PRKAR1B: variants seen among roughly 807,000 people sequenced by gnomAD.
The protein encoded by PRKAR1B is protein kinase cAMP-dependent type I regulatory subunit beta, also known as cAMP-dependent protein kinase type I-beta regulatory subunit.
A neutral mutation model predicts 46.5 loss-of-function variants in PRKAR1B; 22 were observed. That is an observed-to-expected ratio of 0.47 (90% CI 0.34 to 0.68). PRKAR1B has a LOEUF of 0.68. Among genes scored for constraint, PRKAR1B ranks in the 30% least tolerant of loss-of-function variants. PRKAR1B has a pLI of 0.01. For synonymous variants in PRKAR1B, 259 were observed against 217.7 expected, an observed-to-expected ratio of 1.19 and a Z score of -1.67; for missense variants, 445 against 535.6, an observed-to-expected ratio of 0.83 and a Z score of 1.67.
intron 9 of PRKAR1B, 67 bp from the exon 10 acceptor site, chr7:551,537 G>A (rs139922622): frequency 0.1 from 148,214 of 1,475,586 alleles, 8,425 homozygotes; most frequent in Non-Finnish European, 0.11. Flanking sequence ...CACGTGAGGG[G>A]TCACCCCACA....
chr7:655,089 C>A (rs1282473324), intron 4 of PRKAR1B, among the ~76,000 whole-genome samples: 2 of 152,204 alleles, frequency 1.3e-5, no homozygotes, highest in Non-Finnish European at 2.9e-5. Context: ...AACCTCTTAA[C>A]TGGGTTTTCC....
Position 673,045 on chromosome 7 carries a change from TAAAAAAAAAAAA to T in PRKAR1B, c.440+4172_440+4183del, listed in dbSNP as rs992683667. ...GGGTGAGAGAGTAAGGCCTTGTCTT[TAAAAAAAAAAAA>T]AAAAAAAAAAAAAAAAAAAAACACA... is the stretch of plus-strand genomic sequence containing the variant. On this transcript the variant is annotated intron_variant, in intron 4 of 10. Transcript: ENST00000537384. 8.4e-3 allele frequency among the ~76,000 whole-genome samples: 222 copies of T among 26,556 alleles called. 1 individual carries two copies. The highest frequency in any genetic ancestry group is 0.012 in the Non-Finnish European group (186 of 16,128). The allele number at this position is 26,556 out of a possible 152,430, so 17.4% of individuals were successfully genotyped here. A position where few individuals can be genotyped will look rare whatever the true frequency, so the allele number is the denominator to read the frequency against.
intron 9 of PRKAR1B, among the ~76,000 whole-genome samples, chr7:576,357 C>T (rs955239734): frequency 6.6e-6 from 1 of 152,226 alleles, no homozygotes; most frequent in African/African-American, 2.4e-5. Flanking sequence ...CCTTTCCCTC[C>T]TCCTTCTCTC....
Position 711,537 on chromosome 7 carries a change from A to C in PRKAR1B, c.-22-10T>G, listed in dbSNP as rs1017832689. The C allele has an allele frequency of 6.2e-7, 1 of 1,607,722 alleles. No homozygotes were observed. Among genetic ancestry groups the C allele is most frequent in the Non-Finnish European group, 8.5e-7 (1 of 1,176,382 alleles). ...GGTGGCTGCTTCCTTCCTGTCCAGA[A>C]AACACACAGATCCCCAGGCCTGAGA... On this transcript the variant is annotated splice_polypyrimidine_tract_variant and intron_variant, in intron 1 of 10. Transcript: ENST00000537384.
rs34879805 is a variant in PRKAR1B at position 556,496 on chromosome 7, C to T, written c.892-5026G>A. ...TAAAGGGGTAAAACACCGTCAATAA[C>T]GCGGAACAGTCTTCCGCACGGAGTC... On this transcript the variant is annotated intron_variant, in intron 9 of 10. Transcript: ENST00000537384. 5.8e-3 allele frequency among the ~76,000 whole-genome samples: 878 copies of T among 152,340 alleles called. 3 individuals are homozygous for T. Among genetic ancestry groups the T allele is most frequent in the Middle Eastern group, 0.017 (5 of 294 alleles).
At chr7:707,260 C>A (rs942871015) in intron 2 of PRKAR1B, among the ~76,000 whole-genome samples, 1 of 152,242 alleles carries the variant, frequency 6.6e-6, no homozygotes, top group Non-Finnish European at 1.5e-5. Flanking sequence ...TCCCTATCAG[C>A]TACTGCAGAA....
At chr7:564,226 G>C (rs1026903074) in intron 9 of PRKAR1B, among the ~76,000 whole-genome samples, 1 of 152,210 alleles carries the variant, frequency 6.6e-6, no homozygotes, top group Admixed American at 6.5e-5. Flanking sequence ...GGGAACCTGA[G>C]ACTTGGAATC....
At position 641,432 on chromosome 7, in the gene PRKAR1B, C is replaced by T. The variant is rs142650978; in HGVS notation, c.441-33980G>A. Among the ~76,000 whole-genome samples the T allele has an allele frequency of 6.4e-3, 977 of 152,234 alleles. 8 individuals are homozygous for T. Among genetic ancestry groups the T allele is most frequent in the African/African-American group, 0.022 (927 of 41,526 alleles). On this transcript the variant is annotated intron_variant, in intron 4 of 10. Coordinates refer to ENST00000537384, the MANE Select transcript of PRKAR1B (RefSeq NM_001164760.2). ...GATGCCGCATTGTTCATAATAGCTC[C>T]GAACAGCAAACAACCCAGATGACGC...
Position 667,952 on chromosome 7 carries a change from T to C in PRKAR1B, c.440+9277A>G, listed in dbSNP as rs560997115. Among the ~76,000 whole-genome samples the C allele has an allele frequency of 4.6e-5, 7 of 152,228 alleles. No homozygotes were observed. Among genetic ancestry groups the C allele is most frequent in the Non-Finnish European group, 1.0e-4 (7 of 68,048 alleles). ...CTATCTTCCTTTAAATCAAAGGTCT[T>C]AAACATAATTTCTACCCTTCTCCAA... On this transcript the variant is annotated intron_variant, in intron 4 of 10. Coordinates refer to ENST00000537384, the MANE Select transcript of PRKAR1B (RefSeq NM_001164760.2). The surrounding 1 kb of genome is among the most constrained non-coding windows in gnomAD (Gnocchi z 4.3).
rs946001275 is a variant in PRKAR1B at position 666,435 on chromosome 7, T to A, written c.440+10794A>T. ...GGCACCCCAGGTAGGATGCGGAATC[T>A]GCTTCGCTCCAATAGCTGACACAAG... On this transcript the variant is annotated intron_variant, in intron 4 of 10. Coordinates refer to ENST00000537384, the MANE Select transcript of PRKAR1B (RefSeq NM_001164760.2). The surrounding 1 kb of genome is among the most constrained non-coding windows in gnomAD (Gnocchi z 4.9). Among the ~76,000 whole-genome samples the A allele has an allele frequency of 3.5e-4, 53 of 152,280 alleles. No homozygotes were observed. The highest frequency in any genetic ancestry group is 1.6e-4 in the Non-Finnish European group (11 of 68,014).
At chr7:626,495 T>G (rs1783410618) in intron 4 of PRKAR1B, among the ~76,000 whole-genome samples, 1 of 152,006 alleles carries the variant, frequency 6.6e-6, no homozygotes, top group South Asian at 2.1e-4. Context: ...ACCTTGTCTC[T>G]CAGAAACAAA....
At chr7:660,583 G>T (rs1275867706) in intron 4 of PRKAR1B, among the ~76,000 whole-genome samples, 1 of 97,324 alleles carries the variant, frequency 1.0e-5, no homozygotes, top group Non-Finnish European at 1.9e-5. Context: ...CATGGCACAG[G>T]TCCCCACCCC....
chr7:550,778 A>G (rs1784133521), intron 10 of PRKAR1B, among the ~76,000 whole-genome samples, 176 bp from the exon 11 acceptor site: 1 of 152,248 alleles, frequency 6.6e-6, no homozygotes, highest in Admixed American at 6.5e-5. Context: ...TTTGGGATAT[A>G]CTTATGCTAA....
chr7:667,921 G>T lies in PRKAR1B; in HGVS notation c.440+9308C>A, dbSNP rs1056769533. Among the ~76,000 whole-genome samples the T allele has an allele frequency of 6.6e-6, 1 of 152,212 alleles. No homozygotes were observed. Among genetic ancestry groups the T allele is most frequent in the African/African-American group, 2.4e-5 (1 of 41,448 alleles). ...GAGTTGCAGCCTCCCTCACAACCAC[G>T]TTGCACTATCTTCCTTTAAATCAAA... On this transcript the variant is annotated intron_variant, in intron 4 of 10. Transcript: ENST00000537384. The surrounding 1 kb of genome is among the most constrained non-coding windows in gnomAD (Gnocchi z 4.3).
intron 2 of PRKAR1B, among the ~76,000 whole-genome samples, chr7:710,956 A>C (rs544685436): frequency 1.5e-4 from 23 of 152,210 alleles, no homozygotes; most frequent in African/African-American, 5.1e-4. Flanking sequence ...TTTTATCCCA[A>C]GTGGTGACAG....
intron 8 of PRKAR1B, among the ~76,000 whole-genome samples, chr7:581,314 A>AG (rs1239769890): frequency 6.6e-6 from 1 of 151,648 alleles, no homozygotes; most frequent in African/African-American, 2.4e-5. Flanking sequence ...AAAAAAAAAA[A>AG]AAAAAAAAAA....
At chr7:663,421 G>A (rs1374724580) in intron 4 of PRKAR1B, among the ~76,000 whole-genome samples, 1 of 152,106 alleles carries the variant, frequency 6.6e-6, no homozygotes, top group Non-Finnish European at 1.5e-5. Flanking sequence ...GAGGAGGGTA[G>A]AGATGGGGTC....
chr7:671,916 C>G (rs1249366154), intron 4 of PRKAR1B, among the ~76,000 whole-genome samples: 1 of 152,216 alleles, frequency 6.6e-6, no homozygotes, highest in Non-Finnish European at 1.5e-5. Context: ...TTCTGCCCAT[C>G]CTGAATGAAG....
chr7:551,717 A>G (rs1299193571), intron 9 of PRKAR1B, among the ~76,000 whole-genome samples: 12 of 116,318 alleles, frequency 1.0e-4, no homozygotes, highest in South Asian at 5.4e-4. Context: ...GTCCTTCTCC[A>G]GAGCCACTGC....
Sources: gnomAD v4.1 joint callset for allele counts (sites outside exome capture counted in the v4.1 genomes callset) on GRCh38, gnomAD v4.1.1 for gene constraint, Gnocchi (gnomAD v3.1) non-coding constraint, MANE v1.5 for transcripts, NCBI Gene and HGNC (gene_info 2026-07-23, HGNC 2026-07-21) for gene names.